C2orf72: variants seen among roughly 807,000 people sequenced by gnomAD.
C2orf72 encodes uncharacterized protein C2orf72.
In C2orf72, 16 loss-of-function variants were observed where a neutral mutation model predicts 14.4. The observed-to-expected ratio is 1.11, with a 90% confidence interval of 0.75 to 1.69. The LOEUF is 1.69. C2orf72 is among the 40% of genes most tolerant of loss of function. The pLI, the probability that C2orf72 is intolerant of heterozygous loss-of-function variation, is 0.00. For missense variants in C2orf72, 371 were observed against 358.3 expected, an observed-to-expected ratio of 1.04 and a Z score of -0.29; for synonymous variants, 168 against 176.8, an observed-to-expected ratio of 0.95 and a Z score of 0.40.
At chr2:231,040,478 C>T (rs1398754215) in intron 1 of C2orf72, among the ~76,000 whole-genome samples, 1 of 152,208 alleles carries the variant, frequency 6.6e-6, no homozygotes, top group Non-Finnish European at 1.5e-5. Context: ...CAAAATTAAA[C>T]CTCTCGCAAA....
In C2orf72 at chr2:231,038,146, C is replaced by A; in HGVS notation, c.581C>A (p.Ala194Asp). 8.5e-7 allele frequency: 1 copy of A among 1,179,368 alleles called. No homozygotes were observed. The highest frequency in any genetic ancestry group is 1.0e-6 in the Non-Finnish European group (1 of 954,722). 73.1% of individuals were successfully genotyped at this position (1,179,368 alleles called of 1,614,324 possible). ...CCCGGCCTCCCGGCCTCCTGCCTGG[C>A]CGTCCAGGCGGCCGCCTGCAGGGCC... ...YCPGLPASCL[A>D]VQAAACRALQ... The change falls in exon 1 of 3, where the codon GCC (alanine) becomes GAC (aspartate). Residue 194 changes from alanine to aspartate, a missense_variant. Physicochemically the swap from Ala to Asp is moderately radical, Grantham distance 126. This residue lies in a region of C2orf72 where 145 missense variants were observed against 149.4 expected (regional missense o/e 0.97). Transcript: ENST00000373640.
At chr2:231,040,510 A>G (rs1241746072) in intron 1 of C2orf72, among the ~76,000 whole-genome samples, 3 of 152,390 alleles carry the variant, frequency 2.0e-5, no homozygotes, top group Non-Finnish European at 4.4e-5. Flanking sequence ...CGTGAGTGGA[A>G]TTATAACTTA....
At chr2:231,044,943 C>CTT (rs1693392036) in intron 2 of C2orf72, among the ~76,000 whole-genome samples, 4 of 94,260 alleles carry the variant, frequency 4.2e-5, no homozygotes, top group African/African-American at 1.9e-4. Flanking sequence ...GTATATATAT[C>CTT]TTTATATATA....
chr2:231,044,949 A>G (rs1282942670), intron 2 of C2orf72, among the ~76,000 whole-genome samples: 1 of 145,558 alleles, frequency 6.9e-6, no homozygotes, highest in Non-Finnish European at 1.5e-5. Flanking sequence ...ATATCTTTAT[A>G]TATATATATA....
At chr2:231,042,194 T>C (rs981819268) in intron 2 of C2orf72, among the ~76,000 whole-genome samples, 2 of 151,826 alleles carry the variant, frequency 1.3e-5, no homozygotes, top group Non-Finnish European at 2.9e-5. Flanking sequence ...TAAATGGAAA[T>C]GAGGGAGAAG....
chr2:231,047,605 T>C lies in C2orf72; in HGVS notation c.*584T>C, dbSNP rs113210092. 176 of 224,454 alleles carry C rather than the reference T, an allele frequency of 7.8e-4. 1 individual carries two copies. The highest frequency in any genetic ancestry group is 3.8e-3 in the African/African-American group (169 of 44,320). The allele number at this position is 224,454 out of a possible 1,614,324, so 13.9% of individuals were successfully genotyped here. On this transcript the variant is annotated 3_prime_UTR_variant, in exon 3 of 3. Coordinates refer to ENST00000373640, the MANE Select transcript of C2orf72 (RefSeq NM_001144994.2). ...TGACTGTGGGGGCACCCCTGGCATCTAGTGGGCATCCCACAATGTGCAGAA... is the reference window on the plus strand; with the variant it reads ...TGACTGTGGGGGCACCCCTGGCATCCAGTGGGCATCCCACAATGTGCAGAA...
chr2:231,042,347 C>CT (rs1033574375), intron 2 of C2orf72, among the ~76,000 whole-genome samples: 1 of 152,184 alleles, frequency 6.6e-6, no homozygotes, highest in Non-Finnish European at 1.5e-5. Context: ...TACGTATACA[C>CT]TGTGTTTTTT....
chr2:231,044,540 T>A (rs954319483), intron 2 of C2orf72, among the ~76,000 whole-genome samples: 4 of 152,152 alleles, frequency 2.6e-5, no homozygotes, highest in African/African-American at 9.7e-5. Context: ...AACCACCTTT[T>A]TAAATTATTA....
In C2orf72 at chr2:231,038,107, C is replaced by A. The variant is rs1477116134; in HGVS notation, c.542C>A (p.Ala181Glu). The change falls in exon 1 of 3, where the codon GCG becomes GAG. Residue 181 changes from alanine (A) to glutamate (E), a missense_variant. Ala to Glu is a moderately radical substitution (Grantham distance 107, BLOSUM62 -1). Coordinates refer to ENST00000373640, the MANE Select transcript of C2orf72 (RefSeq NM_001144994.2). Reference protein sequence around the residue: ...FGRQAGGPVQAAAYCPGLPAS... With the variant: ...FGRQAGGPVQEAAYCPGLPAS... ...CGCCAGGCGGGGGGGCCCGTGCAGG[C>A]GGCCGCCTACTGCCCCGGCCTCCCG... The A allele has an allele frequency of 8.7e-7, 1 of 1,151,290 alleles. No homozygotes were observed. The highest frequency in any genetic ancestry group is 1.1e-6 in the Non-Finnish European group (1 of 937,092). The allele number at this position is 1,151,290 out of a possible 1,614,324, so 71.3% of individuals were successfully genotyped here.
chr2:231,038,997 G>A (rs770963646), intron 1 of C2orf72, among the ~76,000 whole-genome samples: 3 of 152,102 alleles, frequency 2.0e-5, no homozygotes, highest in Non-Finnish European at 4.4e-5. Flanking sequence ...TGGAACACAA[G>A]GCTTTACAGG....
chr2:231,043,992 TG>T (rs1353811285), intron 2 of C2orf72, among the ~76,000 whole-genome samples: 3 of 152,232 alleles, frequency 2.0e-5, no homozygotes, highest in Admixed American at 6.5e-5. Flanking sequence ...GCTACAAACC[TG>T]TACAGCAGGT....
intron 2 of C2orf72, among the ~76,000 whole-genome samples, chr2:231,043,007 A>T (rs934197483): frequency 2.0e-5 from 3 of 152,304 alleles, no homozygotes; most frequent in South Asian, 2.1e-4. Context: ...TCCGTCTCAA[A>T]ATAAATAAAT....
chr2:231,048,538 C>CTAG lies in C2orf72; in HGVS notation c.*1517_*1518insTAG, dbSNP rs1693448688. ...TGCTCCTGGACAGCAGTGGGTCTCA[C>CTAG]CTTTAGCCTCTGCCCCCAGTTCTGG... On this transcript the variant is annotated 3_prime_UTR_variant, in exon 3 of 3. Coordinates refer to ENST00000373640, the MANE Select transcript of C2orf72 (RefSeq NM_001144994.2). 6.6e-6 allele frequency: 1 copy of CTAG among 152,598 alleles called. No individual in the cohort carries two copies. Among genetic ancestry groups the CTAG allele is most frequent in the African/African-American group, 2.4e-5 (1 of 41,470 alleles). 9.5% of individuals were successfully genotyped at this position (152,598 alleles called of 1,614,324 possible). A position where few individuals can be genotyped will look rare whatever the true frequency, so the allele number is the denominator to read the frequency against.
rs1369134243 is a variant in C2orf72 at position 231,037,819 on chromosome 2, C to T, written c.254C>T (p.Ala85Val). 2.0e-6 allele frequency: 2 copies of T among 978,848 alleles called. No homozygotes were observed. The highest frequency in any genetic ancestry group is 1.2e-6 in the Non-Finnish European group (1 of 827,420). The allele number at this position is 978,848 out of a possible 1,614,324, so 60.6% of individuals were successfully genotyped here. ...GPGAARGAQR[A>V]ARAAGAAGAA... ...GGGGCGGCGCGCGGGGCGCAGAGGG[C>T]GGCGAGGGCGGCTGGGGCGGCGGGG... The change falls in exon 1 of 3, where the codon GCG becomes GTG. Residue 85 changes from alanine to valine, a missense_variant. Around this residue, in one of 3 missense-constraint regions of C2orf72, gnomAD observed 214 missense variants for 178.7 expected, o/e 1.20. Coordinates refer to ENST00000373640, the MANE Select transcript of C2orf72 (RefSeq NM_001144994.2).
intron 1 of C2orf72, 154 bp from the exon 2 acceptor site, chr2:231,041,142 A>G: frequency 1.8e-6 from 1 of 546,168 alleles, no homozygotes; most frequent in Non-Finnish European, 3.2e-6. Context: ...TTAAAAACCC[A>G]CCCACTTTTG....
chr2:231,038,830 G>A (rs1693298327), intron 1 of C2orf72, among the ~76,000 whole-genome samples: 1 of 152,078 alleles, frequency 6.6e-6, no homozygotes, highest in South Asian at 2.1e-4. Flanking sequence ...ACCCACCAAG[G>A]CTGTGCACCC....
Position 231,037,666 on chromosome 2 carries a change from T to C in C2orf72, c.101T>C (p.Leu34Pro). 1 of 1,109,228 alleles carries C rather than the reference T, an allele frequency of 9.0e-7. No homozygotes were observed. Among genetic ancestry groups the C allele is most frequent in the Non-Finnish European group, 1.1e-6 (1 of 906,662 alleles). The allele number at this position is 1,109,228 out of a possible 1,614,324, so 68.7% of individuals were successfully genotyped here. Residue 34 changes from leucine to proline, a missense_variant, in exon 1 of 3, where the codon CTG (leucine) becomes CCG (proline). Around this residue, in one of 3 missense-constraint regions of C2orf72, gnomAD observed 214 missense variants for 178.7 expected, o/e 1.20. Coordinates refer to ENST00000373640, the MANE Select transcript of C2orf72 (RefSeq NM_001144994.2). The part of the protein sequence containing the change: ...VEAAGGRGQV[L>P]LVGELWEREQ... ...GCGGCGGGGGGCCGCGGGCAGGTGC[T>C]GCTGGTGGGCGAGCTGTGGGAGCGC...
chr2:231,047,062 C>T lies in C2orf72; in HGVS notation c.*41C>T, dbSNP rs1249422643. On this transcript the variant is annotated 3_prime_UTR_variant, in exon 3 of 3. Transcript: ENST00000373640. ...GCTGTCCCTGGCTCTAACCTACAGA[C>T]TGGGGCCTGGCTCCGTCTTACTGGC... The T allele has an allele frequency of 6.4e-7, 1 of 1,551,206 alleles. No individual in the cohort carries two copies. The highest frequency in any genetic ancestry group is 8.7e-7 in the Non-Finnish European group (1 of 1,146,746).
At chr2:231,045,841 C>A (rs1284482324) in intron 2 of C2orf72, among the ~76,000 whole-genome samples, 1 of 152,130 alleles carries the variant, frequency 6.6e-6, no homozygotes, top group Non-Finnish European at 1.5e-5. Flanking sequence ...TCTTATGGGA[C>A]CACTCTCTTA....
Sources: gnomAD v4.1 joint callset for allele counts (sites outside exome capture counted in the v4.1 genomes callset) on GRCh38, gnomAD v4.1.1 for gene constraint, gnomAD v4.1.1 regional missense constraint, MANE v1.5 for transcripts, NCBI Gene and HGNC (gene_info 2026-07-23, HGNC 2026-07-21) for gene names.